ZNF215: variants seen among roughly 807,000 people sequenced by gnomAD.
ZNF215 encodes the protein BWSCR2-associated zinc finger protein 2.
Under a neutral mutation model 27.2 loss-of-function variants are expected in ZNF215, and 24 were observed. The ratio of observed to expected loss-of-function variants is 0.88; its 90% confidence interval spans 0.64 to 1.24. The LOEUF is 1.24. ZNF215 is among the 50% of genes most tolerant of loss of function. ZNF215 has a pLI of 0.00. For missense variants in ZNF215, 675 were observed against 605.7 expected, an observed-to-expected ratio of 1.11 and a Z score of -1.20; for synonymous variants, 210 against 204.0, an observed-to-expected ratio of 1.03 and a Z score of -0.25.
At chr11:6,979,852 AATAAAACCTACGTGACAGCT>A (rs1450937369) in intron 5 of ZNF215, among the ~76,000 whole-genome samples, 1 of 152,148 alleles carries the variant, frequency 6.6e-6, no homozygotes, top group Non-Finnish European at 1.5e-5. Flanking sequence ...GGGGCAAGAA[AATAAAACCTACGTGACAGCT>A]ATAAACGTGA....
At chr11:6,963,205 C>G (rs1850552309) in intron 5 of ZNF215, among the ~76,000 whole-genome samples, 1 of 151,220 alleles carries the variant, frequency 6.6e-6, no homozygotes, top group Admixed American at 6.6e-5. Context: ...CTCTCCTATT[C>G]TTTTATAGTC....
intron 2 of ZNF215, among the ~76,000 whole-genome samples, chr11:6,931,133 T>C (rs1849244820): frequency 6.6e-6 from 1 of 152,174 alleles, no homozygotes; most frequent in African/African-American, 2.4e-5. Flanking sequence ...ATAATCATAA[T>C]AAAAGTGACA....
downstream of ZNF215, chr11:6,988,216 G>T: frequency 3.0e-6 from 3 of 985,388 alleles, no homozygotes; most frequent in Non-Finnish European, 3.6e-6. Context: ...ACATCGATAG[G>T]GAGAACACAC....
chr11:6,938,406 G>A (rs1271254031), intron 3 of ZNF215, among the ~76,000 whole-genome samples: 1 of 152,028 alleles, frequency 6.6e-6, no homozygotes, highest in African/African-American at 2.4e-5. Flanking sequence ...TTCAGCCACT[G>A]TGAAAAACAC....
chr11:6,967,098 A>G (rs923305189), intron 5 of ZNF215, among the ~76,000 whole-genome samples: 2 of 152,018 alleles, frequency 1.3e-5, no homozygotes, highest in Non-Finnish European at 2.9e-5. Flanking sequence ...GCTGAGAATG[A>G]TGGTTTTCAG....
downstream of ZNF215, among the ~76,000 whole-genome samples, chr11:6,992,195 T>C (rs1851123127): frequency 6.6e-6 from 1 of 152,214 alleles, no homozygotes; most frequent in Admixed American, 6.5e-5. Flanking sequence ...AGCTTGTTCC[T>C]TAATGCAATC....
intron 6 of ZNF215, among the ~76,000 whole-genome samples, chr11:6,948,417 T>A (rs1849905229): frequency 1.3e-5 from 2 of 152,160 alleles, no homozygotes; most frequent in South Asian, 4.1e-4. Context: ...TTTTATAAAA[T>A]AATAGAACCA....
At chr11:6,941,488 T>C in intron 3 of ZNF215, 83 bp from the exon 4 acceptor site, 10 of 1,193,436 alleles carry the variant, frequency 8.4e-6, no homozygotes, top group Non-Finnish European at 1.2e-5. Context: ...TTCCTGTGAA[T>C]ATCATATTAA....
At chr11:6,992,884 T>C (rs1286171605), downstream of ZNF215, among the ~76,000 whole-genome samples, 1 of 151,936 alleles carries the variant, frequency 6.6e-6, no homozygotes, top group Non-Finnish European at 1.5e-5. Context: ...CAAGGCACAT[T>C]CCTGGCCAGT....
At chr11:6,933,080 G>A (rs1421853795) in intron 3 of ZNF215, among the ~76,000 whole-genome samples, 2 of 152,190 alleles carry the variant, frequency 1.3e-5, no homozygotes, top group African/African-American at 2.4e-5. Context: ...TAAAATATTT[G>A]TTATCTGCCC....
chr11:6,967,079 T>C (rs1427362045), intron 5 of ZNF215, among the ~76,000 whole-genome samples: 1 of 152,132 alleles, frequency 6.6e-6, no homozygotes, highest in Non-Finnish European at 1.5e-5. Flanking sequence ...TCTGTCCTTG[T>C]GTTAGTTTGC....
intron 5 of ZNF215, among the ~76,000 whole-genome samples, chr11:6,976,633 CCT>C (rs1168559691): frequency 6.6e-6 from 1 of 151,970 alleles, no homozygotes; most frequent in Non-Finnish European, 1.5e-5. Flanking sequence ...GAAATTGCTT[CCT>C]CTCTGACTAG....
chr11:6,946,608 C>T (rs1716559781), intron 6 of ZNF215, among the ~76,000 whole-genome samples: 2 of 152,174 alleles, frequency 1.3e-5, no homozygotes, highest in South Asian at 4.1e-4. Flanking sequence ...CTAATTGACC[C>T]TTATTCCTCA....
intron 2 of ZNF215, among the ~76,000 whole-genome samples, chr11:6,928,778 AT>A (rs1469002120): frequency 6.6e-6 from 1 of 151,692 alleles, no homozygotes; most frequent in African/African-American, 2.4e-5. Context: ...CCCATAGTTC[AT>A]TTTTTTGTTG....
downstream of ZNF215, among the ~76,000 whole-genome samples, chr11:6,992,207 C>A (rs555740038): frequency 1.0e-3 from 152 of 152,292 alleles, 1 homozygote; most frequent in Middle Eastern, 6.8e-3. Flanking sequence ...AATGCAATCA[C>A]AGGAATGCAC....
chr11:6,932,957 A>T (rs1473796938), intron 3 of ZNF215, among the ~76,000 whole-genome samples: 1 of 152,228 alleles, frequency 6.6e-6, no homozygotes, highest in Admixed American at 6.5e-5. Flanking sequence ...AATATTTTTT[A>T]AAATAAAGTA....
In ZNF215 at chr11:6,966,063, T is replaced by A. The variant is rs557851081; in HGVS notation, c.805+10281T>A. Among the ~76,000 whole-genome samples the A allele has an allele frequency of 2.0e-5, 3 of 152,312 alleles. No homozygotes were observed. The East Asian group carries it at 5.8e-4, about 29-fold the overall frequency. ...TTTGAGCTTCCTTTGTTGGAAAGTT[T>A]TAAATTATGAAATCTATTTTTTAAG... On this transcript the variant is annotated intron_variant, in intron 5 of 5. Transcript: ENST00000529903.
At chr11:6,948,634 G>C (rs942268849) in intron 6 of ZNF215, among the ~76,000 whole-genome samples, 1 of 152,180 alleles carries the variant, frequency 6.6e-6, no homozygotes, top group Non-Finnish European at 1.5e-5. Flanking sequence ...ACAAGGAACA[G>C]TAATGTATGT....
At chr11:6,937,937 T>C (rs965094163) in intron 3 of ZNF215, among the ~76,000 whole-genome samples, 1 of 151,800 alleles carries the variant, frequency 6.6e-6, no homozygotes, top group Non-Finnish European at 1.5e-5. Context: ...ACCTTAAATT[T>C]GGTAATCAAT....
Sources: allele counts gnomAD v4.1 joint callset (sites outside exome capture counted in the v4.1 genomes callset), GRCh38; gene constraint gnomAD v4.1.1; transcripts MANE v1.5; gene names NCBI Gene and HGNC (gene_info 2026-07-23, HGNC 2026-07-21).